The following KCNN3 variants were observed in gnomAD, a reference collection of about 807,000 sequenced individuals.
The protein encoded by KCNN3 is potassium calcium-activated channel subfamily N member 3, also known as small conductance calcium-activated potassium channel protein 3.
KCNN3 carries 16 observed loss-of-function variants against 62.9 expected under a neutral mutation model. The observed-to-expected ratio is 0.25, with a 90% CI of 0.17 to 0.39. KCNN3 has a LOEUF of 0.39. Ranked by LOEUF, KCNN3 falls within the 10% of genes least tolerant of loss-of-function variation. The probability of loss-of-function intolerance (pLI) is 1.00; values close to 1 mark genes in which losing one functional copy is unlikely to be tolerated. For synonymous variants in KCNN3, 370 were observed against 389.2 expected, an observed-to-expected ratio of 0.95 and a Z score of 0.58; for missense variants, 599 against 949.4, an observed-to-expected ratio of 0.63 and a Z score of 4.85.
At chr1:154,797,432 A>G (rs1234747744) in intron 2 of KCNN3, among the ~76,000 whole-genome samples, 2 of 152,234 alleles carry the variant, frequency 1.3e-5, no homozygotes, top group African/African-American at 4.8e-5. Flanking sequence ...GGAAGTATTA[A>G]TAGAAATAAA....
chr1:154,816,087 A>C (rs1191300750), intron 2 of KCNN3, among the ~76,000 whole-genome samples: 1 of 152,218 alleles, frequency 6.6e-6, no homozygotes, highest in Non-Finnish European at 1.5e-5. Context: ...ATTGGTATTT[A>C]ATGAAAATAT....
intron 1 of KCNN3, among the ~76,000 whole-genome samples, chr1:154,861,787 C>T (rs986506792): frequency 2.0e-5 from 3 of 152,180 alleles, no homozygotes; most frequent in Admixed American, 1.3e-4. Flanking sequence ...TGCTCATCCT[C>T]GTGATGAAAC....
rs1228627878 is a variant in KCNN3, at chr1:154,725,820, GGCGTGA to G, written c.1701+90_1701+95del. ...AGCCTCCTAAAGTGTTGGGATTACA[GGCGTGA>G]GCCACTGCACCCGTTGGACCATTTG... On this transcript the variant is annotated intron_variant, in intron 5 of 7. Coordinates refer to ENST00000271915, the MANE Select transcript of KCNN3 (RefSeq NM_002249.6). The G allele has an allele frequency of 1.2e-5, 10 of 866,718 alleles. No homozygotes were observed. The Admixed American group carries it at 1.8e-4, about 15-fold the overall frequency. The allele number at this position is 866,718 out of a possible 1,614,324, so 53.7% of individuals were successfully genotyped here. A position where few individuals can be genotyped will look rare whatever the true frequency, so the allele number is the denominator to read the frequency against.
At chr1:154,773,047 G>A (rs769343546) in intron 2 of KCNN3, among the ~76,000 whole-genome samples, 1 of 152,164 alleles carries the variant, frequency 6.6e-6, no homozygotes, top group Non-Finnish European at 1.5e-5. Context: ...GGGTACATGT[G>A]CAAGTTTGCT....
chr1:154,846,183 G>C (rs529288851), intron 1 of KCNN3, among the ~76,000 whole-genome samples: 1 of 152,212 alleles, frequency 6.6e-6, no homozygotes, highest in South Asian at 2.1e-4. Context: ...CGTCTAAAGG[G>C]CCTAGACGAT....
intron 1 of KCNN3, among the ~76,000 whole-genome samples, chr1:154,851,336 C>T (rs1228445597): frequency 2.6e-5 from 4 of 152,174 alleles, no homozygotes; most frequent in Non-Finnish European, 5.9e-5. Context: ...TGAGAGGAGC[C>T]ATCTGTTCTG....
intron 2 of KCNN3, among the ~76,000 whole-genome samples, chr1:154,814,178 T>C (rs1264354489): frequency 6.6e-6 from 1 of 152,242 alleles, no homozygotes; most frequent in Non-Finnish European, 1.5e-5. Flanking sequence ...GTCTGTGGGC[T>C]TCAGGTCAGG....
chr1:154,778,893 C>T (rs1308635969), intron 2 of KCNN3, among the ~76,000 whole-genome samples: 4 of 152,174 alleles, frequency 2.6e-5, no homozygotes, highest in South Asian at 4.1e-4. Context: ...TGAGCCACCA[C>T]GCCTGGCCAG....
rs534270888 is a variant in KCNN3 at position 154,855,701 on chromosome 1, C to T, written c.933+13331G>A. Among the ~76,000 whole-genome samples the T allele has an allele frequency of 5.3e-5, 8 of 152,300 alleles. No homozygotes were observed. The East Asian group carries it at 5.8e-4, about 11-fold the overall frequency. On this transcript the variant is annotated intron_variant, in intron 1 of 7. Coordinates refer to ENST00000271915, the MANE Select transcript of KCNN3 (RefSeq NM_002249.6). The stretch of plus-strand genomic sequence containing the variant: ...TTAGACTGCGTCCCCGTCGTTGCAA[C>T]GCATGACTGTATATCTGTGATGCCT...
At chr1:154,775,567 C>T (rs948391213) in intron 2 of KCNN3, among the ~76,000 whole-genome samples, 5 of 131,474 alleles carry the variant, frequency 3.8e-5, no homozygotes, top group Non-Finnish European at 8.1e-5. Context: ...AGCAGCCAGC[C>T]CCCCACCCAC....
intron 1 of KCNN3, among the ~76,000 whole-genome samples, chr1:154,840,241 G>A (rs1350111894): frequency 1.3e-5 from 2 of 152,112 alleles, no homozygotes; most frequent in African/African-American, 4.8e-5. Flanking sequence ...ATAGGATTTG[G>A]AGACTGATTG....
chr1:154,789,810 G>A (rs867535038), intron 2 of KCNN3, among the ~76,000 whole-genome samples: 1 of 152,216 alleles, frequency 6.6e-6, no homozygotes, highest in African/African-American at 2.4e-5. Context: ...CCTAGAACAA[G>A]AAGCATTTAC....
intron 2 of KCNN3, among the ~76,000 whole-genome samples, chr1:154,775,104 C>T (rs1266018928): frequency 6.6e-6 from 1 of 152,216 alleles, no homozygotes; most frequent in African/African-American, 2.4e-5. Flanking sequence ...TTATTCTGTC[C>T]ACCCAACTGT....
intron 4 of KCNN3, among the ~76,000 whole-genome samples, chr1:154,732,167 G>A (rs1009624699): frequency 6.6e-6 from 1 of 152,262 alleles, no homozygotes; most frequent in Non-Finnish European, 1.5e-5. Flanking sequence ...TTCCCCTGGA[G>A]GATGCTCAGG....
At chr1:154,714,240 G>GT (rs1700157406) in intron 6 of KCNN3, among the ~76,000 whole-genome samples, 2 of 15,230 alleles carry the variant, frequency 1.3e-4, no homozygotes, top group African/African-American at 2.1e-4. Flanking sequence ...GGGTGTGTGC[G>GT]GTGTGTATGG....
chr1:154,797,623 A>G (rs1649785973), intron 2 of KCNN3, among the ~76,000 whole-genome samples: 1 of 152,174 alleles, frequency 6.6e-6, no homozygotes, highest in Admixed American at 6.5e-5. Flanking sequence ...CTAGCCTGGA[A>G]GCTCTATGAG....
chr1:154,723,802 C>T (rs1235621384), intron 5 of KCNN3, among the ~76,000 whole-genome samples: 1 of 152,192 alleles, frequency 6.6e-6, no homozygotes, highest in East Asian at 1.9e-4. Flanking sequence ...CCAGTGAAAC[C>T]TCAGTAAATT....
At chr1:154,866,390 T>A (rs1652957766) in intron 1 of KCNN3, among the ~76,000 whole-genome samples, 1 of 152,172 alleles carries the variant, frequency 6.6e-6, no homozygotes, top group African/African-American at 2.4e-5. Flanking sequence ...GTCTCTAATT[T>A]AATTCTCCCT....
chr1:154,762,947 T>C (rs1010772261), intron 3 of KCNN3, among the ~76,000 whole-genome samples: 7 of 152,222 alleles, frequency 4.6e-5, no homozygotes, highest in Non-Finnish European at 1.5e-5. Flanking sequence ...TATATTGGGT[T>C]CTAACATAGT....
Sources: gnomAD v4.1 joint callset for allele counts (sites outside exome capture counted in the v4.1 genomes callset) on GRCh38, gnomAD v4.1.1 for gene constraint, MANE v1.5 for transcripts, NCBI Gene and HGNC (gene_info 2026-07-23, HGNC 2026-07-21) for gene names.